KLHL15: variants seen among roughly 807,000 people sequenced by gnomAD.
KLHL15 encodes kelch-like protein 15.
Under a neutral mutation model 29.3 loss-of-function variants are expected in KLHL15, and 1 was observed. That is an observed-to-expected ratio of 0.03 (90% confidence interval 0.01 to 0.16). The LOEUF (loss-of-function observed/expected upper bound fraction) is 0.16, where lower values mean the gene tolerates loss of function less well. KLHL15 is among the 10% of genes least tolerant of loss of function. The probability of loss-of-function intolerance (pLI) is 1.00; values close to 1 mark genes in which losing one functional copy is unlikely to be tolerated. For missense variants in KLHL15, 215 were observed against 478.5 expected (o/e 0.45, Z 5.14); for synonymous variants, 212 against 184.5 (o/e 1.15, Z -1.21).
At chrX:24,025,903 C>G (rs1463320677) in intron 1 of KLHL15, among the ~76,000 whole-genome samples, 2 of 111,108 alleles carry the variant, frequency 1.8e-5, no homozygotes, top group Non-Finnish European at 3.8e-5. Flanking sequence ...CTCAGCTGTC[C>G]TCGTCCCCTT....
At chrX:24,002,789 C>T (rs1929356687) in intron 3 of KLHL15, among the ~76,000 whole-genome samples, 1 of 111,173 alleles carries the variant, frequency 9.0e-6, no homozygotes, top group Non-Finnish European at 1.9e-5. Flanking sequence ...CCCCCACACC[C>T]AAATAATTTT....
chrX:24,010,954 T>C (rs990372014), intron 2 of KLHL15, among the ~76,000 whole-genome samples: 1 of 110,598 alleles, frequency 9.0e-6, no homozygotes, highest in African/African-American at 3.3e-5. Flanking sequence ...GGAATCCCTC[T>C]GTACTCTGGG....
intron 2 of KLHL15, among the ~76,000 whole-genome samples, chrX:24,016,611 G>A (rs1929691122): frequency 9.1e-6 from 1 of 110,118 alleles, no homozygotes; most frequent in Non-Finnish European, 1.9e-5. Flanking sequence ...AGATTGCAGT[G>A]AGCAGAGATG....
rs377522679 is a variant in KLHL15 at position 24,025,131 on chromosome X, C to T, written c.-209-73G>A. On this transcript the variant is annotated intron_variant, in intron 1 of 3. Transcript: ENST00000328046. ...CGCACGAGGCGGCGCGGCGTCGGGG[C>T]CCGGACCGACCTTGCCAACGCCGGG... The T allele has an allele frequency of 8.8e-3, 2,564 of 292,925 alleles. 31 individuals are homozygous for T. The South Asian group carries it at 0.11, about 13-fold the overall frequency. The allele number at this position is 292,925 out of a possible 1,213,427, so 24.1% of individuals were successfully genotyped here. A position where few individuals can be genotyped will look rare whatever the true frequency, so the allele number is the denominator to read the frequency against.
At chrX:23,993,770 T>C (rs1351501841) in intron 3 of KLHL15, among the ~76,000 whole-genome samples, 2 of 110,573 alleles carry the variant, frequency 1.8e-5, no homozygotes, top group Admixed American at 2.0e-4. Flanking sequence ...GGCTCACACC[T>C]GTAATCTCAG....
chrX:24,017,553 G>A (rs906835626), intron 2 of KLHL15, among the ~76,000 whole-genome samples: 2 of 109,717 alleles, frequency 1.8e-5, no homozygotes, highest in African/African-American at 6.6e-5. Flanking sequence ...GGCCGAGATG[G>A]GCATATCGCT....
At chrX:23,997,754 A>AAAAAATT (rs1555975594) in intron 3 of KLHL15, among the ~76,000 whole-genome samples, 1 of 67,178 alleles carries the variant, frequency 1.5e-5, no homozygotes, top group Non-Finnish European at 2.4e-5. Flanking sequence ...AAAAAAAAAA[A>AAAAAATT]TTTTTTTTTT....
intron 2 of KLHL15, among the ~76,000 whole-genome samples, chrX:24,010,653 G>C (rs1164830185): frequency 8.9e-6 from 1 of 111,901 alleles, no homozygotes; most frequent in African/African-American, 3.2e-5. Flanking sequence ...GAGCACTAAG[G>C]ATGTGGCAGC....
At chrX:23,989,554 T>C (rs1228727893) in intron 3 of KLHL15, among the ~76,000 whole-genome samples, 1 of 111,610 alleles carries the variant, frequency 9.0e-6, no homozygotes, top group African/African-American at 3.3e-5. Flanking sequence ...GCACCTATTA[T>C]GTGAAGCCCT....
intron 2 of KLHL15, among the ~76,000 whole-genome samples, chrX:24,022,268 G>C (rs1190322198): frequency 1.9e-5 from 2 of 105,963 alleles, no homozygotes; most frequent in Non-Finnish European, 3.9e-5. Flanking sequence ...CCGGGAGGCG[G>C]AGGTTGCAGT....
Position 24,006,394 on chromosome X carries a change from G to T in KLHL15, c.300C>A (p.Thr100=), listed in dbSNP as rs528490470. The stretch of plus-strand genomic sequence containing the variant: ...TGGCAGCCTGAAGAATCTCATGAAC[G>T]GTATTCATACTCAGCTCTATAGTTC... ...YYGTIELSMN[T]VHEILQAAMY... is the part of the protein sequence containing the mutation. Residue 100 remains threonine, a synonymous_variant, in exon 3 of 4, where the codon ACC becomes ACA. Transcript: ENST00000328046. The T allele has an allele frequency of 8.3e-5, 100 of 1,209,628 alleles. No homozygotes were observed. Among genetic ancestry groups the T allele is most frequent in the Non-Finnish European group, 8.4e-5 (75 of 894,838 alleles).
chrX:23,992,984 A>G (rs1201521775), intron 3 of KLHL15, among the ~76,000 whole-genome samples: 1 of 111,855 alleles, frequency 8.9e-6, no homozygotes, highest in African/African-American at 3.3e-5. Flanking sequence ...CCCCCATCCC[A>G]TAGGGTGGTT....
intron 3 of KLHL15, among the ~76,000 whole-genome samples, chrX:23,995,016 C>A (rs1036776914): frequency 9.0e-6 from 1 of 111,011 alleles, no homozygotes; most frequent in Non-Finnish European, 1.9e-5. Flanking sequence ...ACATCTTTTA[C>A]TTTAATTGTG....
At chrX:24,005,493 A>G (rs1602008066) in intron 3 of KLHL15, among the ~76,000 whole-genome samples, 1 of 111,803 alleles carries the variant, frequency 8.9e-6, no homozygotes, top group East Asian at 2.8e-4. Flanking sequence ...ATTAGGGCCT[A>G]TTGGTTTTCA....
chrX:24,024,510 C>T (rs771856737), intron 2 of KLHL15, among the ~76,000 whole-genome samples: 2 of 111,937 alleles, frequency 1.8e-5, no homozygotes, highest in African/African-American at 6.5e-5. Context: ...GAACCCAGAC[C>T]TTCCGATTCC....
intron 2 of KLHL15, among the ~76,000 whole-genome samples, chrX:24,022,395 A>G (rs1202048231): frequency 1.3e-5 from 1 of 76,533 alleles, no homozygotes; most frequent in Non-Finnish European, 2.2e-5. Flanking sequence ...GCGCTTTGGG[A>G]AGCCAAGGCG....
At position 23,986,287 on chromosome X, in the gene KLHL15, AC is replaced by A. The variant is rs762422544; in HGVS notation, c.*1633del. The A allele has an allele frequency of 1.3e-3, 144 of 111,316 alleles. 2 individuals are homozygous for A. The highest frequency in any genetic ancestry group is 4.6e-3 in the African/African-American group (140 of 30,694). 9.2% of individuals were successfully genotyped at this position (111,316 alleles called of 1,213,427 possible). A position where few individuals can be genotyped will look rare whatever the true frequency, so the allele number is the denominator to read the frequency against. ...GTTCAATGGTGGCAGCAGCAAAAAA[AC>A]AAACAAACAAACAAAAAAACAAAAA... is the stretch of plus-strand genomic sequence containing the variant. On this transcript the variant is annotated 3_prime_UTR_variant, in exon 4 of 4. Transcript: ENST00000328046.
chrX:24,003,342 A>G (rs1299707101), intron 3 of KLHL15, among the ~76,000 whole-genome samples: 1 of 108,689 alleles, frequency 9.2e-6, no homozygotes, highest in South Asian at 4.0e-4. Context: ...TCAGGAGATC[A>G]AGACCATCCT....
chrX:24,019,631 A>T (rs1040539160), intron 2 of KLHL15, among the ~76,000 whole-genome samples: 3 of 106,657 alleles, frequency 2.8e-5, no homozygotes, highest in African/African-American at 7.2e-5. Context: ...TGAAAGTGTA[A>T]GAGATAAGTG....
Sources: allele counts gnomAD v4.1 joint callset (sites outside exome capture counted in the v4.1 genomes callset), GRCh38; gene constraint gnomAD v4.1.1; transcripts MANE v1.5; gene names NCBI Gene and HGNC (gene_info 2026-07-23, HGNC 2026-07-21).